The following CHLSN variants were observed in gnomAD, a reference collection of about 807,000 sequenced individuals.
CHLSN encodes cholesin, also known as protein cholesin.
At chr7:1,083,886 A>G in the CHLSN span, among the ~76,000 whole-genome samples, 1 of 152,178 alleles carries the variant, frequency 6.6e-6, no homozygotes, top group Non-Finnish European at 1.5e-5. Context: ...CTCGGCAGGC[A>G]CACACCCTGA....
chr7:1,110,234 A>G, the CHLSN span, among the ~76,000 whole-genome samples: 3 of 152,228 alleles, frequency 2.0e-5, no homozygotes, highest in African/African-American at 4.8e-5. Context: ...GAATACCTCG[A>G]GATGCCAGGA....
At chr7:1,028,628 C>T in the CHLSN span, 1 of 978,518 alleles carries the variant, frequency 1.0e-6, no homozygotes. Context: ...CTGCCAGCTG[C>T]ACGTACTTGC....
chr7:1,057,462 G>T, the CHLSN span: 1 of 700,452 alleles, frequency 1.4e-6, no homozygotes, highest in East Asian at 2.5e-5. Context: ...GACGGGACGC[G>T]AGCTGACCAC....
At chr7:985,947 C>T in the CHLSN span, among the ~76,000 whole-genome samples, 1 of 152,120 alleles carries the variant, frequency 6.6e-6, no homozygotes, top group Non-Finnish European at 1.5e-5. Context: ...GAGCAGGGGG[C>T]ACAGCTTCCA....
chr7:1,000,916 G>T, the CHLSN span, among the ~76,000 whole-genome samples: 1 of 152,198 alleles, frequency 6.6e-6, no homozygotes, highest in Non-Finnish European at 1.5e-5. Flanking sequence ...TGTAATTGAT[G>T]ATGTATTTTC....
At chr7:988,625 T>A in the CHLSN span, 1 of 1,602,992 alleles carries the variant, frequency 6.2e-7, no homozygotes, top group South Asian at 1.1e-5. Flanking sequence ...TGCCTGGACA[T>A]CCCCCGCAGG....
chr7:1,118,661 GAAGA>G, the CHLSN span, among the ~76,000 whole-genome samples: 3 of 152,012 alleles, frequency 2.0e-5, no homozygotes, highest in East Asian at 1.9e-4. Flanking sequence ...AAAAAACAAT[GAAGA>G]AAGAGTTTCT....
the CHLSN span, among the ~76,000 whole-genome samples, chr7:1,038,285 T>G: frequency 1.3e-5 from 1 of 75,434 alleles, no homozygotes. Context: ...TGGCCAGCCA[T>G]GCCGTCCGGG....
At chr7:1,136,953 G>T in the CHLSN span, among the ~76,000 whole-genome samples, 1 of 152,048 alleles carries the variant, frequency 6.6e-6, no homozygotes, top group Non-Finnish European at 1.5e-5. Context: ...ACTCCCTTAA[G>T]ATCCCATAGG....
chr7:1,046,282 A>G, the CHLSN span, among the ~76,000 whole-genome samples: 1 of 152,122 alleles, frequency 6.6e-6, no homozygotes, highest in African/African-American at 2.4e-5. Context: ...TAATGACCCA[A>G]CCACAGCGAG....
At chr7:1,014,298 T>G in the CHLSN span, among the ~76,000 whole-genome samples, 1 of 152,246 alleles carries the variant, frequency 6.6e-6, no homozygotes, top group Non-Finnish European at 1.5e-5. Flanking sequence ...TACAACTGCA[T>G]GAAAACTATG....
the CHLSN span, among the ~76,000 whole-genome samples, chr7:1,018,778 C>CA: frequency 5.8e-4 from 86 of 147,588 alleles, no homozygotes; most frequent in South Asian, 2.6e-3. Flanking sequence ...GTGAGACCCT[C>CA]AAAAAAAAAA....
chr7:992,833 G>A, the CHLSN span, among the ~76,000 whole-genome samples: 2 of 152,310 alleles, frequency 1.3e-5, no homozygotes, highest in Middle Eastern at 3.4e-3. Flanking sequence ...TCAGCCTAGC[G>A]CCCAGCTGTC....
chr7:1,046,893 G>T, the CHLSN span, among the ~76,000 whole-genome samples: 1 of 152,196 alleles, frequency 6.6e-6, no homozygotes, highest in Non-Finnish European at 1.5e-5. Context: ...AACAACCAAG[G>T]TGGTGATAAG....
the CHLSN span, among the ~76,000 whole-genome samples, chr7:1,047,959 G>A: frequency 6.6e-6 from 1 of 152,164 alleles, no homozygotes; most frequent in Non-Finnish European, 1.5e-5. Context: ...GGCTGCTGCA[G>A]CACACATAAA....
the CHLSN span, among the ~76,000 whole-genome samples, chr7:999,427 T>C: frequency 6.6e-6 from 1 of 151,714 alleles, no homozygotes; most frequent in Non-Finnish European, 1.5e-5. Flanking sequence ...GCAATAGGGC[T>C]TACAATCGGC....
At chr7:1,133,366 T>C in the CHLSN span, among the ~76,000 whole-genome samples, 4 of 141,694 alleles carry the variant, frequency 2.8e-5, no homozygotes, top group Non-Finnish European at 6.0e-5. Context: ...ATTGTGGTGA[T>C]GGTTTCACAA....
At chr7:1,107,647 C>G in the CHLSN span, among the ~76,000 whole-genome samples, 1 of 152,356 alleles carries the variant, frequency 6.6e-6, no homozygotes, top group Middle Eastern at 3.4e-3. Flanking sequence ...ACTAGGGGTT[C>G]TCTCCCCACA....
At chr7:1,081,418 G>C in the CHLSN span, among the ~76,000 whole-genome samples, 10 of 152,358 alleles carry the variant, frequency 6.6e-5, no homozygotes, top group East Asian at 3.9e-4. Context: ...TGTAGAGCCC[G>C]AGCCCGGGCA....
Sources: allele counts gnomAD v4.1 joint callset (sites outside exome capture counted in the v4.1 genomes callset), GRCh38; gene constraint gnomAD v4.1.1; transcripts MANE v1.5; gene names NCBI Gene and HGNC (gene_info 2026-07-23, HGNC 2026-07-21).